The following RORA variants were observed in gnomAD, a reference collection of about 807,000 sequenced individuals.
RORA encodes RAR related orphan receptor A.
In RORA, 7 loss-of-function variants were observed where a neutral mutation model predicts 69.5. The ratio of observed to expected loss-of-function variants is 0.10; its 90% CI spans 0.06 to 0.19. The LOEUF (loss-of-function observed/expected upper bound fraction) is 0.19, where lower values mean the gene tolerates loss of function less well. RORA is among the 10% of genes least tolerant of loss of function. The probability of loss-of-function intolerance (pLI) is 1.00; values close to 1 mark genes in which losing one functional copy is unlikely to be tolerated. For synonymous variants in RORA, 261 were observed against 240.8 expected, an observed-to-expected ratio of 1.08 and a Z score of -0.78; for missense variants, 457 against 663.0, an observed-to-expected ratio of 0.69 and a Z score of 3.41.
chr15:61,059,412 T>G (rs1465000571), intron 1 of RORA, among the ~76,000 whole-genome samples: 1 of 152,254 alleles, frequency 6.6e-6, no homozygotes, highest in Non-Finnish European at 1.5e-5. Flanking sequence ...TAGATAATAT[T>G]TAATTGTTAC....
At chr15:61,070,451 A>C (rs2078325019) in intron 1 of RORA, among the ~76,000 whole-genome samples, 1 of 152,206 alleles carries the variant, frequency 6.6e-6, no homozygotes, top group Non-Finnish European at 1.5e-5. Flanking sequence ...ACATCTCCTT[A>C]AGAAGTCTCA....
chr15:61,078,198 G>A (rs1049886143), intron 1 of RORA, among the ~76,000 whole-genome samples: 2 of 152,084 alleles, frequency 1.3e-5, no homozygotes, highest in South Asian at 2.1e-4. Context: ...ACGGAGTCTC[G>A]CTCTCCCCAG....
chr15:60,815,553 G>A lies in RORA; in HGVS notation c.167-136867C>T, dbSNP rs111730929. Among the ~76,000 whole-genome samples the A allele has an allele frequency of 5.9e-3, 894 of 152,080 alleles. 9 individuals are homozygous for A. The highest frequency in any genetic ancestry group is 0.02 in the African/African-American group (849 of 41,478). On this transcript the variant is annotated intron_variant, in intron 1 of 10. Transcript: ENST00000335670. ...AACTCTAAGGGCCCAACTTACAAAC[G>A]TGGAAAGATAGGCACAGAGAAAAGA...
chr15:60,860,802 A>C (rs2073429402), intron 1 of RORA, among the ~76,000 whole-genome samples: 1 of 152,230 alleles, frequency 6.6e-6, no homozygotes, highest in Non-Finnish European at 1.5e-5. Flanking sequence ...TGCTAGGGGA[A>C]GTGTGCTAGG....
intron 1 of RORA, among the ~76,000 whole-genome samples, chr15:60,856,164 C>T (rs2073377851): frequency 6.6e-6 from 1 of 152,132 alleles, no homozygotes; most frequent in South Asian, 2.1e-4. Context: ...ACTGGGGAAA[C>T]TGATGAAGTG....
chr15:60,912,158 C>T (rs956488543), intron 1 of RORA, among the ~76,000 whole-genome samples: 6 of 152,112 alleles, frequency 3.9e-5, no homozygotes, highest in Admixed American at 3.9e-4. Context: ...CGCCTATAAT[C>T]CCAGTACTTT....
At chr15:60,879,387 G>A (rs1450407053) in intron 1 of RORA, among the ~76,000 whole-genome samples, 1 of 152,062 alleles carries the variant, frequency 6.6e-6, no homozygotes, top group Non-Finnish European at 1.5e-5. Flanking sequence ...CTGTTGGGTA[G>A]AGTATATGAG....
intron 1 of RORA, among the ~76,000 whole-genome samples, chr15:60,715,892 A>G (rs1029939357): frequency 1.3e-5 from 2 of 152,192 alleles, no homozygotes; most frequent in African/African-American, 4.8e-5. Context: ...TTCTGCTACA[A>G]TGAATTATGT....
At chr15:60,841,978 T>C (rs1285549950) in intron 1 of RORA, among the ~76,000 whole-genome samples, 1 of 152,072 alleles carries the variant, frequency 6.6e-6, no homozygotes, top group Non-Finnish European at 1.5e-5. Context: ...AGAACAGCAC[T>C]GTCTCTCCTC....
At chr15:60,937,461 C>T (rs1197920607) in intron 1 of RORA, among the ~76,000 whole-genome samples, 1 of 152,174 alleles carries the variant, frequency 6.6e-6, no homozygotes, top group Admixed American at 6.5e-5. Context: ...AGTTACCAAA[C>T]AGCACAGGAA....
rs552964557 is a variant in RORA at position 60,946,759 on chromosome 15, C to T, written c.167-268073G>A. ...CTGGGATGTGAGGAGCCCCTCTGCC[C>T]GGCTGCCCAGTCTGGGAAGTGAGGA... On this transcript the variant is annotated intron_variant, in intron 1 of 10. Coordinates refer to ENST00000335670, the MANE Select transcript of RORA (RefSeq NM_134261.3). Among the ~76,000 whole-genome samples, 20 of 151,866 alleles carry T rather than the reference C, an allele frequency of 1.3e-4. No homozygotes were observed. In the East Asian group the frequency reaches 3.1e-3, roughly 24 times the overall value.
chr15:60,510,192 C>A (rs189404402), intron 5 of RORA, among the ~76,000 whole-genome samples: 1 of 152,316 alleles, frequency 6.6e-6, no homozygotes, highest in African/African-American at 2.4e-5. Flanking sequence ...ACTTAGTCAT[C>A]TCCACAGCAA....
chr15:60,774,475 T>C (rs559252879), intron 1 of RORA, among the ~76,000 whole-genome samples: 1 of 152,310 alleles, frequency 6.6e-6, no homozygotes, highest in Non-Finnish European at 1.5e-5. Flanking sequence ...TCCTAAGGAC[T>C]CTTCCTCACA....
At chr15:60,748,046 C>T (rs908929369) in intron 1 of RORA, among the ~76,000 whole-genome samples, 1 of 152,138 alleles carries the variant, frequency 6.6e-6, no homozygotes, top group Non-Finnish European at 1.5e-5. Flanking sequence ...AACTTGCTCG[C>T]CCCATGGTCT....
At chr15:60,786,643 G>A (rs1409955601) in intron 1 of RORA, among the ~76,000 whole-genome samples, 1 of 152,232 alleles carries the variant, frequency 6.6e-6, no homozygotes, top group Non-Finnish European at 1.5e-5. Context: ...GCTTCGTGAT[G>A]CACAGAGACC....
chr15:61,136,528 G>A (rs894312578), intron 1 of RORA, among the ~76,000 whole-genome samples: 2 of 152,064 alleles, frequency 1.3e-5, no homozygotes, highest in Non-Finnish European at 2.9e-5. Flanking sequence ...AGAAAGAAAT[G>A]CAATAGACTA....
chr15:60,724,823 A>G (rs1468782432), intron 1 of RORA, among the ~76,000 whole-genome samples: 2 of 152,142 alleles, frequency 1.3e-5, no homozygotes, highest in East Asian at 3.9e-4. Context: ...GGGTCCCACC[A>G]CTTTCCGGTG....
intron 3 of RORA, chr15:60,530,241 A>G (rs1335491074): frequency 1.3e-5 from 2 of 152,220 alleles, no homozygotes. Context: ...CTCACCTTAT[A>G]ACCTGGGATG....
intron 1 of RORA, among the ~76,000 whole-genome samples, chr15:60,810,582 A>G (rs1315351973): frequency 6.6e-6 from 1 of 152,038 alleles, no homozygotes; most frequent in Admixed American, 6.6e-5. Flanking sequence ...CTACTCTTCA[A>G]TTTTTAATTT....
Sources: allele counts gnomAD v4.1 joint callset (sites outside exome capture counted in the v4.1 genomes callset), GRCh38; gene constraint gnomAD v4.1.1; transcripts MANE v1.5; gene names NCBI Gene and HGNC (gene_info 2026-07-23, HGNC 2026-07-21).